Variants in GLB1L3 observed in about 807,000 individuals in gnomAD.
GLB1L3 encodes beta-galactosidase-1-like protein 3.
A neutral mutation model predicts 89.5 loss-of-function variants in GLB1L3; 89 were observed. The observed-to-expected ratio is 0.99, with a 90% CI of 0.84 to 1.19. The LOEUF (loss-of-function observed/expected upper bound fraction) is 1.19. Among genes scored for constraint, GLB1L3 ranks in the 50% most tolerant of loss-of-function variants. The probability of loss-of-function intolerance (pLI) is 0.00; values close to 1 mark genes in which losing one functional copy is unlikely to be tolerated. For missense variants in GLB1L3, 812 were observed against 813.3 expected, an observed-to-expected ratio of 1.00 and a Z score of 0.02; for synonymous variants, 314 against 312.3, an observed-to-expected ratio of 1.01 and a Z score of -0.06.
intron 11 of GLB1L3, 38 bp from the exon 12 acceptor site, chr11:134,310,533 A>T: frequency 1.3e-6 from 2 of 1,539,794 alleles, no homozygotes; most frequent in Non-Finnish European, 1.8e-6. Flanking sequence ...CCTCCTGCAG[A>T]GACTGCATGG....
chr11:134,314,291 G>A (rs1942885294), intron 17 of GLB1L3, 39 bp from the exon 18 acceptor site: 9 of 1,413,478 alleles, frequency 6.4e-6, no homozygotes, highest in Non-Finnish European at 7.7e-6. Flanking sequence ...GGGTTGGGAA[G>A]GGGACTTCTT....
At chr11:134,308,084 TACCACCA>T (rs954109194) in intron 10 of GLB1L3, among the ~76,000 whole-genome samples, 1 of 151,328 alleles carries the variant, frequency 6.6e-6, no homozygotes, top group African/African-American at 2.4e-5. Flanking sequence ...ATACCATCAC[TACCACCA>T]ACAATAATGC....
At position 134,308,169 on chromosome 11, in the gene GLB1L3, GCAC is replaced by G. The variant is rs1182741931; in HGVS notation, c.961+970_961+972del. 1.1e-3 allele frequency among the ~76,000 whole-genome samples: 86 copies of G among 74,860 alleles called. 1 individual carries two copies. The highest frequency in any genetic ancestry group is 2.0e-3 in the Non-Finnish European group (72 of 36,790). 49.1% of individuals were successfully genotyped at this position (74,860 alleles called of 152,430 possible). A position where few individuals can be genotyped will look rare whatever the true frequency, so the allele number is the denominator to read the frequency against. The stretch of plus-strand genomic sequence containing the variant: ...ACCATCATCACCAACACCACCACCA[GCAC>G]CACCACCATCACCATCATCACCATC... On this transcript the variant is annotated intron_variant, in intron 10 of 19. Transcript: ENST00000431683.
At chr11:134,324,484 T>C (rs1417749009), downstream of GLB1L3, among the ~76,000 whole-genome samples, 2 of 152,222 alleles carry the variant, frequency 1.3e-5, no homozygotes, top group Non-Finnish European at 2.9e-5. Context: ...CTCAAAGCTA[T>C]AAGAAATTAT....
chr11:134,292,092 AT>A, intron 7 of GLB1L3, 39 bp from the exon 8 acceptor site: 1 of 1,432,822 alleles, frequency 7.0e-7, no homozygotes, highest in African/African-American at 1.4e-5. Flanking sequence ...TCCCATGGGA[AT>A]GAGGGAATTG....
intron 10 of GLB1L3, among the ~76,000 whole-genome samples, chr11:134,308,732 T>C (rs1316078927): frequency 6.6e-6 from 1 of 151,602 alleles, no homozygotes; most frequent in Non-Finnish European, 1.5e-5. Context: ...TGGCAGGCAC[T>C]GTGCCTTTTT....
At chr11:134,308,399 C>T (rs1942429944) in intron 10 of GLB1L3, among the ~76,000 whole-genome samples, 3 of 62,530 alleles carry the variant, frequency 4.8e-5, no homozygotes, top group Non-Finnish European at 9.6e-5. Flanking sequence ...TCACCACCAT[C>T]ACCATCACCA....
intron 9 of GLB1L3, among the ~76,000 whole-genome samples, chr11:134,298,484 T>C (rs374194725): frequency 6.6e-6 from 1 of 152,196 alleles, no homozygotes; most frequent in South Asian, 2.1e-4. Flanking sequence ...GGTTTGGCTG[T>C]GTCTCCACCC....
At position 134,295,879 on chromosome 11, in the gene GLB1L3, T is replaced by C. The variant is rs547165730; in HGVS notation, c.876+2670T>C. Among the ~76,000 whole-genome samples the C allele has an allele frequency of 4.0e-4, 61 of 152,326 alleles. 1 individual carries two copies. The highest frequency in any genetic ancestry group is 8.5e-4 in the Admixed American group (13 of 15,292). The stretch of plus-strand genomic sequence containing the variant: ...AGACTTTCTTTATTCCATGCCTCAG[T>C]TGGGAGTGTGCTGTTTCATTTTTGA... On this transcript the variant is annotated intron_variant, in intron 9 of 19. Transcript: ENST00000431683.
At chr11:134,308,390 CACCACCATCACCAT>C in intron 10 of GLB1L3, among the ~76,000 whole-genome samples, 6 of 85,488 alleles carry the variant, frequency 7.0e-5, no homozygotes, top group Non-Finnish European at 9.3e-5. Context: ...TCACCACCAT[CACCACCATCACCAT>C]CACCACCACC....
intron 18 of GLB1L3, among the ~76,000 whole-genome samples, chr11:134,318,224 C>G (rs896271010): frequency 3.9e-5 from 6 of 152,098 alleles, no homozygotes; most frequent in African/African-American, 1.4e-4. Flanking sequence ...CCTTGTCTCT[C>G]CATTTTCTTC....
intron 9 of GLB1L3, among the ~76,000 whole-genome samples, chr11:134,296,854 A>AATAATAATAATG (rs1414898866): frequency 7.5e-6 from 1 of 132,694 alleles, no homozygotes; most frequent in Non-Finnish European, 1.6e-5. Flanking sequence ...TAATAATAAT[A>AATAATAATAATG]ATAATAATAA....
chr11:134,286,053 C>A (rs184716684), intron 6 of GLB1L3, among the ~76,000 whole-genome samples: 2 of 151,896 alleles, frequency 1.3e-5, no homozygotes, highest in Non-Finnish European at 2.9e-5. Flanking sequence ...GGATTACAGG[C>A]ACCAACCACC....
In GLB1L3 at chr11:134,284,120, A is replaced by G. The variant is rs560754517; in HGVS notation, c.636+275A>G. On this transcript the variant is annotated intron_variant, in intron 6 of 19. Transcript: ENST00000431683. The stretch of plus-strand genomic sequence containing the variant: ...AACTTACTATTCCTCAAGCTTGCCA[A>G]TCTTCCCATTGCTTCTTTCCACTTT... Among the ~76,000 whole-genome samples, 7 of 152,264 alleles carry G rather than the reference A, an allele frequency of 4.6e-5. No individual in the cohort carries two copies. In the South Asian group the frequency reaches 1.4e-3, roughly 32 times the overall value.
intron 9 of GLB1L3, chr11:134,305,404 CCT>C (rs1942154971): frequency 1.5e-5 from 6 of 402,266 alleles, no homozygotes; most frequent in Admixed American, 4.3e-5. Context: ...TTTTTGAACC[CCT>C]GATAGACCTT....
intron 15 of GLB1L3, 104 bp from the exon 16 acceptor site, chr11:134,313,292 G>T: frequency 6.2e-6 from 5 of 806,690 alleles, no homozygotes; most frequent in East Asian, 2.7e-5. Flanking sequence ...GGAGCCTCCT[G>T]TTCTCCCATG....
At chr11:134,304,181 A>G (rs1043178255) in intron 9 of GLB1L3, among the ~76,000 whole-genome samples, 4 of 151,856 alleles carry the variant, frequency 2.6e-5, no homozygotes, top group Non-Finnish European at 2.9e-5. Context: ...AACCTTCTCA[A>G]ATGTGCTGGG....
Position 134,283,737 on chromosome 11 carries a change from C to T in GLB1L3, c.528C>T (p.Ser176=), listed in dbSNP as rs755965170. ...CSEMDLGGLP[S]WLLQDPRLLL... ...CTGAGCCCGCCCCTCTTGCCCCCAG[C>T]TGGCTCCTGCAAGACCCCCGGTTAC... Residue 176 remains serine, a splice_region_variant and synonymous_variant, in exon 6 of 20, where the codon AGC becomes AGT. Transcript: ENST00000431683. The T allele has an allele frequency of 1.2e-5, 19 of 1,602,778 alleles. 1 individual carries two copies. The African/African-American group carries it at 2.4e-4, about 20-fold the overall frequency.
intron 7 of GLB1L3, among the ~76,000 whole-genome samples, chr11:134,291,865 C>T (rs1000002362): frequency 1.2e-4 from 19 of 152,076 alleles, no homozygotes; most frequent in African/African-American, 3.9e-4. Flanking sequence ...GTCCTAGCTA[C>T]TCAGGAGGCT....
Sources: gnomAD v4.1 joint callset for allele counts (sites outside exome capture counted in the v4.1 genomes callset) on GRCh38, gnomAD v4.1.1 for gene constraint, MANE v1.5 for transcripts, NCBI Gene and HGNC (gene_info 2026-07-23, HGNC 2026-07-21) for gene names.